Variants in LRP1B observed in about 807,000 individuals in gnomAD.
LRP1B encodes the protein LDL receptor related protein 1B.
In LRP1B, 217 loss-of-function variants were observed where a neutral mutation model predicts 556.6. The ratio of observed to expected loss-of-function variants is 0.39; its 90% confidence interval spans 0.35 to 0.44. LRP1B has a LOEUF of 0.44. LRP1B is among the 20% of genes least tolerant of loss of function. LRP1B has a pLI of 1.00. For synonymous variants in LRP1B, 2,047 were observed against 1,865.8 expected, an observed-to-expected ratio of 1.10 and a Z score of -2.50; for missense variants, 5,053 against 5,620.8, an observed-to-expected ratio of 0.90 and a Z score of 3.23.
At chr2:140,777,277 C>A (rs1689531249) in intron 32 of LRP1B, among the ~76,000 whole-genome samples, 1 of 152,124 alleles carries the variant, frequency 6.6e-6, no homozygotes, top group Non-Finnish European at 1.5e-5. Context: ...GCCCTTTGCC[C>A]CTAGCTCACA....
intron 2 of LRP1B, among the ~76,000 whole-genome samples, chr2:141,642,366 G>A (rs1442705805): frequency 6.6e-6 from 1 of 152,064 alleles, no homozygotes; most frequent in East Asian, 1.9e-4. Context: ...TAAAGTAAGT[G>A]GAAGTATTTT....
intron 3 of LRP1B, among the ~76,000 whole-genome samples, chr2:141,360,984 C>A (rs1688806919): frequency 6.6e-6 from 1 of 151,952 alleles, no homozygotes; most frequent in Non-Finnish European, 1.5e-5. Flanking sequence ...AAGTACCTCC[C>A]CAAATAAATA....
At chr2:141,379,427 A>G (rs148760684) in intron 3 of LRP1B, among the ~76,000 whole-genome samples, 3 of 152,298 alleles carry the variant, frequency 2.0e-5, no homozygotes, top group East Asian at 1.9e-4. Flanking sequence ...AGACTCTTCC[A>G]TTACCCATGA....
chr2:141,348,174 T>C lies in LRP1B; in HGVS notation c.344-93533A>G, dbSNP rs571503894. Among the ~76,000 whole-genome samples, 9 of 152,212 alleles carry C rather than the reference T, an allele frequency of 5.9e-5. 1 individual carries two copies. The highest frequency in any genetic ancestry group is 2.2e-4 in the African/African-American group (9 of 41,510). On this transcript the variant is annotated intron_variant, in intron 3 of 90. Transcript: ENST00000389484. ...CTAACTGCTATGTCTGAATCAGCTT[T>C]TCCCGTTGTGTGGGTAAAAGGGAAA...
intron 3 of LRP1B, among the ~76,000 whole-genome samples, chr2:141,465,487 T>C (rs945552187): frequency 2.6e-5 from 4 of 152,020 alleles, no homozygotes; most frequent in Non-Finnish European, 4.4e-5. Context: ...CCAGGAGCTA[T>C]CCTTTATGGA....
At chr2:140,512,619 C>G (rs1234425356) in intron 51 of LRP1B, among the ~76,000 whole-genome samples, 1 of 152,092 alleles carries the variant, frequency 6.6e-6, no homozygotes, top group East Asian at 1.9e-4. Context: ...GTGAGTTTCT[C>G]TTTTTTCATC....
intron 41 of LRP1B, among the ~76,000 whole-genome samples, chr2:140,631,974 A>G (rs1047488052): frequency 6.6e-6 from 1 of 151,556 alleles, no homozygotes; most frequent in Non-Finnish European, 1.5e-5. Flanking sequence ...TAGAAACCAA[A>G]CAAGCAAAAA....
At chr2:141,576,620 T>G (rs1218175778) in intron 2 of LRP1B, among the ~76,000 whole-genome samples, 1 of 151,992 alleles carries the variant, frequency 6.6e-6, no homozygotes, top group Non-Finnish European at 1.5e-5. Context: ...CAGGTTTAGT[T>G]GTACATGCCT....
chr2:141,822,494 A>C (rs554810530), intron 1 of LRP1B, among the ~76,000 whole-genome samples: 1 of 152,174 alleles, frequency 6.6e-6, no homozygotes, highest in African/African-American at 2.4e-5. Context: ...ATCCTACACG[A>C]TCCTTCTCCA....
At chr2:140,854,075 AAG>A (rs1262792334) in intron 27 of LRP1B, among the ~76,000 whole-genome samples, 13 of 149,604 alleles carry the variant, frequency 8.7e-5, no homozygotes, top group African/African-American at 2.5e-4. Flanking sequence ...AAAAAAAAAA[AAG>A]AAGAAAATGA....
intron 87 of LRP1B, among the ~76,000 whole-genome samples, chr2:140,241,218 T>C (rs1680934823): frequency 6.6e-6 from 1 of 150,912 alleles, no homozygotes; most frequent in Non-Finnish European, 1.5e-5. Context: ...CTGTAATTTA[T>C]TAGCAATTAA....
At chr2:140,609,882 T>C (rs1473315692) in intron 41 of LRP1B, among the ~76,000 whole-genome samples, 1 of 152,136 alleles carries the variant, frequency 6.6e-6, no homozygotes, top group East Asian at 1.9e-4. Flanking sequence ...CATATCTTTG[T>C]CCTGCTTAAA....
chr2:141,102,470 A>C (rs1700486789), intron 7 of LRP1B, among the ~76,000 whole-genome samples: 1 of 152,118 alleles, frequency 6.6e-6, no homozygotes, highest in South Asian at 2.1e-4. Context: ...AACCGTGCTC[A>C]TATCTATCCA....
At chr2:141,101,092 T>A (rs984945247) in intron 7 of LRP1B, among the ~76,000 whole-genome samples, 1 of 152,112 alleles carries the variant, frequency 6.6e-6, no homozygotes, top group East Asian at 1.9e-4. Flanking sequence ...TCTAGAGGAA[T>A]GCTCACTGAC....
intron 20 of LRP1B, among the ~76,000 whole-genome samples, chr2:140,940,614 T>C (rs1695370527): frequency 6.6e-6 from 1 of 152,152 alleles, no homozygotes. Flanking sequence ...CCAAATTCTG[T>C]AGGGACCCAG....
chr2:141,467,817 GTTTGTTTGTT>G (rs1682291319), intron 3 of LRP1B, among the ~76,000 whole-genome samples: 2 of 33,416 alleles, frequency 6.0e-5, no homozygotes, highest in South Asian at 1.3e-3. Context: ...TTGTTTGTTT[GTTTGTTTGTT>G]TGTTTGCGGA....
chr2:140,689,827 C>T (rs1046980892), intron 41 of LRP1B, among the ~76,000 whole-genome samples: 4 of 152,186 alleles, frequency 2.6e-5, no homozygotes, highest in African/African-American at 4.8e-5. Context: ...CTATAACTCT[C>T]TTTCACACGG....
chr2:141,101,164 C>A (rs1356614125), intron 7 of LRP1B, among the ~76,000 whole-genome samples: 2 of 152,110 alleles, frequency 1.3e-5, no homozygotes, highest in East Asian at 3.9e-4. Flanking sequence ...TTGCAGAGAT[C>A]ATGACATTGT....
intron 2 of LRP1B, among the ~76,000 whole-genome samples, chr2:141,613,335 G>A (rs1688176995): frequency 6.6e-6 from 1 of 152,106 alleles, no homozygotes; most frequent in Non-Finnish European, 1.5e-5. Flanking sequence ...AAGTGACCAC[G>A]AAATGACCCA....
Sources: allele counts gnomAD v4.1 joint callset (sites outside exome capture counted in the v4.1 genomes callset), GRCh38; gene constraint gnomAD v4.1.1; transcripts MANE v1.5; gene names NCBI Gene and HGNC (gene_info 2026-07-23, HGNC 2026-07-21).